The following NLGN4X variants were observed in gnomAD, a reference collection of about 807,000 sequenced individuals.
The protein encoded by NLGN4X is neuroligin-4, X-linked.
NLGN4X carries 3 observed loss-of-function variants against 40.3 expected under a neutral mutation model. That is an observed-to-expected ratio of 0.07 (90% CI 0.03 to 0.19). The LOEUF (loss-of-function observed/expected upper bound fraction) is 0.19, where lower values mean the gene tolerates loss of function less well. Ranked by LOEUF, NLGN4X falls within the 10% of genes least tolerant of loss-of-function variation. The pLI, the probability that NLGN4X is intolerant of heterozygous loss-of-function variation, is 1.00. For missense variants in NLGN4X, 382 were observed against 708.3 expected (o/e 0.54, Z 5.23); for synonymous variants, 270 against 306.8 (o/e 0.88, Z 1.25).
At chrX:6,021,343 A>T (rs190034051) in intron 3 of NLGN4X, among the ~76,000 whole-genome samples, 3 of 109,824 alleles carry the variant, frequency 2.7e-5, no homozygotes, top group Non-Finnish European at 5.7e-5. Flanking sequence ...TGCTGTTCCC[A>T]TCAACTATTA....
At chrX:6,079,290 T>C (rs757391306) in intron 2 of NLGN4X, among the ~76,000 whole-genome samples, 1 of 112,164 alleles carries the variant, frequency 8.9e-6, no homozygotes, top group Non-Finnish European at 1.9e-5. Context: ...CTATTACTAA[T>C]CTGGCTGTTA....
At chrX:6,056,818 T>C (rs1384451981) in intron 2 of NLGN4X, among the ~76,000 whole-genome samples, 1 of 111,715 alleles carries the variant, frequency 9.0e-6, no homozygotes, top group Non-Finnish European at 1.9e-5. Flanking sequence ...ATGCACAGTT[T>C]CAGAACATTT....
chrX:5,957,115 T>C (rs185473317), intron 3 of NLGN4X, among the ~76,000 whole-genome samples: 6 of 112,051 alleles, frequency 5.4e-5, no homozygotes, highest in Non-Finnish European at 1.1e-4. Context: ...AGAAACTCTT[T>C]CTCATACATC....
At chrX:6,048,105 G>A (rs949768399) in intron 2 of NLGN4X, among the ~76,000 whole-genome samples, 1 of 111,291 alleles carries the variant, frequency 9.0e-6, no homozygotes. Flanking sequence ...TGCTCTGTTG[G>A]TTTGTTTGCG....
At chrX:6,013,099 C>T (rs1485799634) in intron 3 of NLGN4X, among the ~76,000 whole-genome samples, 1 of 111,108 alleles carries the variant, frequency 9.0e-6, no homozygotes, top group Non-Finnish European at 1.9e-5. Flanking sequence ...AAAATTCTAC[C>T]GTAGAGCTCT....
chrX:6,088,112 G>A (rs184127105), intron 2 of NLGN4X, among the ~76,000 whole-genome samples: 1 of 112,641 alleles, frequency 8.9e-6, no homozygotes, highest in African/African-American at 3.2e-5. Context: ...AAAGGGAAAA[G>A]GCGGAAAATG....
intron 2 of NLGN4X, among the ~76,000 whole-genome samples, chrX:6,078,757 T>C (rs1048577627): frequency 2.5e-4 from 28 of 111,514 alleles, no homozygotes; most frequent in Non-Finnish European, 3.2e-4. Flanking sequence ...TGCAGGGTAG[T>C]TGATCAAGGT....
intron 5 of NLGN4X, among the ~76,000 whole-genome samples, chrX:5,897,422 A>G (rs2031555043): frequency 9.0e-6 from 1 of 111,679 alleles, no homozygotes; most frequent in African/African-American, 3.3e-5. Context: ...AACCCTTTTG[A>G]AACTTTAGAG....
At chrX:5,991,093 A>T (rs907741070) in intron 3 of NLGN4X, among the ~76,000 whole-genome samples, 9 of 112,034 alleles carry the variant, frequency 8.0e-5, no homozygotes, top group African/African-American at 2.9e-4. Flanking sequence ...CAACAAGGAC[A>T]CACGCACAAT....
At chrX:5,945,498 C>T (rs1471659914) in intron 3 of NLGN4X, among the ~76,000 whole-genome samples, 1 of 111,768 alleles carries the variant, frequency 8.9e-6, no homozygotes, top group Non-Finnish European at 1.9e-5. Context: ...CATTTGGAAG[C>T]GAACTTGGCG....
In NLGN4X at chrX:6,127,478, G is replaced by A. The variant is rs377387664; in HGVS notation, c.472+23517C>T. Among the ~76,000 whole-genome samples, 8 of 112,106 alleles carry A rather than the reference G, an allele frequency of 7.1e-5. No individual in the cohort carries two copies. In the South Asian group the frequency reaches 2.2e-3, roughly 31 times the overall value. On this transcript the variant is annotated intron_variant, in intron 2 of 5. Coordinates refer to ENST00000381095, the MANE Select transcript of NLGN4X (RefSeq NM_181332.3). ...ACAAAAATTAGCTGGGCGTGGTGGC[G>A]TGTGCCTGTAATCCCAGCTACTTGG...
chrX:5,900,872 G>A (rs913578137), intron 5 of NLGN4X, among the ~76,000 whole-genome samples: 6 of 110,826 alleles, frequency 5.4e-5, no homozygotes, highest in African/African-American at 1.3e-4. Flanking sequence ...GAGCCACTGC[G>A]CCCAGCATAG....
intron 2 of NLGN4X, among the ~76,000 whole-genome samples, chrX:6,045,501 G>A (rs1354521743): frequency 9.0e-6 from 1 of 111,645 alleles, no homozygotes; most frequent in African/African-American, 3.2e-5. Context: ...GACCTAATAA[G>A]GAATTAGGTT....
At chrX:6,141,881 C>T (rs909550867) in intron 2 of NLGN4X, among the ~76,000 whole-genome samples, 25 of 110,636 alleles carry the variant, frequency 2.3e-4, no homozygotes, top group African/African-American at 6.5e-4. Context: ...TAAAATAGTA[C>T]GGAAAATAAA....
intron 2 of NLGN4X, among the ~76,000 whole-genome samples, chrX:6,139,651 T>G (rs1276678578): frequency 8.9e-6 from 1 of 111,814 alleles, no homozygotes; most frequent in Non-Finnish European, 1.9e-5. Context: ...ACTTTCAGAT[T>G]TGCCTCCATT....
chrX:6,016,413 CATG>C (rs1238419040), intron 3 of NLGN4X, among the ~76,000 whole-genome samples: 4 of 111,706 alleles, frequency 3.6e-5, no homozygotes, highest in Admixed American at 9.5e-5. Flanking sequence ...AACCCCCAAA[CATG>C]ATATCACTTT....
intron 3 of NLGN4X, among the ~76,000 whole-genome samples, chrX:5,927,698 G>T (rs1479742187): frequency 8.9e-6 from 1 of 112,336 alleles, no homozygotes; most frequent in Non-Finnish European, 1.9e-5. Flanking sequence ...ATCTGGTAAT[G>T]ATTTCTGCCT....
chrX:5,995,912 T>C (rs1376284733), intron 3 of NLGN4X, among the ~76,000 whole-genome samples: 1 of 112,151 alleles, frequency 8.9e-6, no homozygotes, highest in Non-Finnish European at 1.9e-5. Flanking sequence ...GAGCACTTAC[T>C]GTATACACGT....
chrX:6,008,798 G>A (rs180823797), intron 3 of NLGN4X, among the ~76,000 whole-genome samples: 1 of 111,615 alleles, frequency 9.0e-6, no homozygotes, highest in Non-Finnish European at 1.9e-5. Context: ...AGAACATTTT[G>A]TACCTTTCCA....
Sources: allele counts gnomAD v4.1 joint callset (sites outside exome capture counted in the v4.1 genomes callset), GRCh38; gene constraint gnomAD v4.1.1; transcripts MANE v1.5; gene names NCBI Gene and HGNC (gene_info 2026-07-23, HGNC 2026-07-21).